Variants in AMMECR1 observed in about 807,000 individuals in gnomAD.
AMMECR1 encodes the protein nuclear protein AMMECR1.
A neutral mutation model predicts 22.5 loss-of-function variants in AMMECR1; 3 were observed. The observed-to-expected ratio is 0.13, with a 90% CI of 0.06 to 0.35. AMMECR1 has a LOEUF of 0.35. Among genes scored for constraint, AMMECR1 ranks in the 10% least tolerant of loss-of-function variants. The pLI is 1.00. For synonymous variants in AMMECR1, 130 were observed against 116.7 expected (o/e 1.11, Z -0.74); for missense variants, 235 against 278.7 (o/e 0.84, Z 1.12).
intron 2 of AMMECR1, chrX:110,224,923 G>C: frequency 3.0e-6 from 1 of 333,172 alleles, no homozygotes; most frequent in Non-Finnish European, 5.7e-6. Flanking sequence ...TAAAATAGCA[G>C]TCTCCAAGCT....
At chrX:110,228,483 C>G (rs190768929) in intron 2 of AMMECR1, among the ~76,000 whole-genome samples, 26 of 111,373 alleles carry the variant, frequency 2.3e-4, no homozygotes, top group African/African-American at 8.5e-4. Context: ...TTCCCCAATT[C>G]ACTGATCTTT....
At chrX:110,347,688 A>G (rs2068196192) in intron 2 of AMMECR1, among the ~76,000 whole-genome samples, 1 of 112,821 alleles carries the variant, frequency 8.9e-6, no homozygotes, top group East Asian at 2.8e-4. Flanking sequence ...GCTTTCTCAC[A>G]AAGTATCTTA....
intron 1 of AMMECR1, among the ~76,000 whole-genome samples, chrX:110,311,334 G>A (rs2068022355): frequency 9.0e-6 from 1 of 111,661 alleles, no homozygotes; most frequent in Non-Finnish European, 1.9e-5. Context: ...TGCATTTTAT[G>A]TGTATTTTAT....
At chrX:110,289,501 A>G (rs773815914) in intron 1 of AMMECR1, among the ~76,000 whole-genome samples, 24 of 112,400 alleles carry the variant, frequency 2.1e-4, no homozygotes, top group African/African-American at 6.5e-4. Flanking sequence ...TTAGCTAGAA[A>G]AGATAGTTTA....
At chrX:110,406,215 G>A (rs1456172001) in intron 2 of AMMECR1, among the ~76,000 whole-genome samples, 1 of 109,056 alleles carries the variant, frequency 9.2e-6, no homozygotes, top group Admixed American at 9.8e-5. Flanking sequence ...CCATCTACCC[G>A]TCACCTACAT....
chrX:110,437,532 C>G (rs1041773200), intron 1 of AMMECR1, among the ~76,000 whole-genome samples: 2 of 111,956 alleles, frequency 1.8e-5, no homozygotes, highest in South Asian at 3.8e-4. Flanking sequence ...CAAACTGTGT[C>G]CACTAGGCCT....
At chrX:110,311,189 C>T (rs1013501770) in intron 1 of AMMECR1, among the ~76,000 whole-genome samples, 1 of 111,561 alleles carries the variant, frequency 9.0e-6, no homozygotes, top group Non-Finnish European at 1.9e-5. Context: ...CCAAGTAAGA[C>T]TTCAAGATCT....
chrX:110,209,237 A>G lies in AMMECR1; in HGVS notation c.700-6701T>C, dbSNP rs2067435840. Among the ~76,000 whole-genome samples, 3 of 112,342 alleles carry G rather than the reference A, an allele frequency of 2.7e-5. No individual in the cohort carries two copies. The South Asian group carries it at 1.1e-3, about 42-fold the overall frequency. On this transcript the variant is annotated intron_variant, in intron 3 of 5. Transcript: ENST00000262844. ...TTGAGTATCTGACTCAATACAGTTT[A>G]ACTTAGTCTACAAAAGAAATTTGTT...
intron 2 of AMMECR1, among the ~76,000 whole-genome samples, chrX:110,334,754 C>T (rs2068134600): frequency 8.9e-6 from 1 of 111,883 alleles, no homozygotes; most frequent in Non-Finnish European, 1.9e-5. Context: ...CAGTGTTATT[C>T]CTAGGGTGTA....
At chrX:110,436,121 C>T (rs1001179497) in intron 1 of AMMECR1, among the ~76,000 whole-genome samples, 3 of 112,459 alleles carry the variant, frequency 2.7e-5, no homozygotes, top group Non-Finnish European at 1.9e-5. Flanking sequence ...CTGCTAGCAT[C>T]GCTGATTTAG....
chrX:110,311,875 C>G (rs142021205), intron 1 of AMMECR1, among the ~76,000 whole-genome samples: 3,250 of 112,190 alleles, frequency 0.029, 113 homozygotes, highest in African/African-American at 0.099. Flanking sequence ...CTGTGAGCAA[C>G]TGCCCAATTA....
Position 110,387,431 on chromosome X carries a change from G to T in AMMECR1, c.-148+39227C>A, listed in dbSNP as rs758842831. ...TTCTCTAGAAAAATCAGAAGACCTG[G>T]CTACCCTGCATTGGAACATGCATTC... On this transcript the variant is annotated intron_variant, in intron 2 of 7. Coordinates refer to the AMMECR1 transcript ENST00000372057. Among the ~76,000 whole-genome samples, 15 of 112,191 alleles carry T rather than the reference G, an allele frequency of 1.3e-4. No homozygotes were observed. The South Asian group carries it at 5.6e-3, about 42-fold the overall frequency.
intron 1 of AMMECR1, among the ~76,000 whole-genome samples, chrX:110,430,932 T>C (rs187883848): frequency 8.9e-6 from 1 of 112,114 alleles, no homozygotes; most frequent in Admixed American, 9.4e-5. Flanking sequence ...CATGGCTGGT[T>C]ATAATGACAC....
At chrX:110,275,824 C>A (rs1169975055) in intron 1 of AMMECR1, among the ~76,000 whole-genome samples, 1 of 110,903 alleles carries the variant, frequency 9.0e-6, no homozygotes, top group Non-Finnish European at 1.9e-5. Flanking sequence ...GAGTGAAACT[C>A]CGTCTCAAAA....
At chrX:110,356,343 C>T (rs1031465186) in intron 2 of AMMECR1, among the ~76,000 whole-genome samples, 4 of 108,172 alleles carry the variant, frequency 3.7e-5, no homozygotes, top group Non-Finnish European at 7.6e-5. Context: ...TTAGTGGAGA[C>T]GGGGTTTCAC....
At chrX:110,357,367 A>G (rs1157721989) in intron 2 of AMMECR1, among the ~76,000 whole-genome samples, 2 of 111,908 alleles carry the variant, frequency 1.8e-5, no homozygotes, top group African/African-American at 6.5e-5. Context: ...TACTTTTTTA[A>G]AAGTATTTCA....
At position 110,258,722 on chromosome X, in the gene AMMECR1, T is replaced by C. The variant is rs751381456; in HGVS notation, c.584+5767A>G. On this transcript the variant is annotated intron_variant, in intron 2 of 5. Transcript: ENST00000262844. ...CCAAAAATTGTTTGGCCTTAACATC[T>C]CCAGAATGAGCTTCCATAACAATAA... 3.7e-3 allele frequency among the ~76,000 whole-genome samples: 418 copies of C among 111,894 alleles called. 2 individuals are homozygous for C. Among genetic ancestry groups the C allele is most frequent in the African/African-American group, 0.013 (402 of 30,747 alleles).
chrX:110,274,984 C>T (rs933883870), intron 1 of AMMECR1, among the ~76,000 whole-genome samples: 3 of 111,831 alleles, frequency 2.7e-5, no homozygotes, highest in Non-Finnish European at 5.6e-5. Flanking sequence ...TTAACGTATA[C>T]GTCCATTTAA....
chrX:110,207,731 G>A (rs768737555), intron 3 of AMMECR1, among the ~76,000 whole-genome samples: 1 of 111,843 alleles, frequency 8.9e-6, no homozygotes, highest in Non-Finnish European at 1.9e-5. Context: ...ATGTTGCTGC[G>A]ATTCAGCTTT....
Sources: gnomAD v4.1 joint callset for allele counts (sites outside exome capture counted in the v4.1 genomes callset) on GRCh38, gnomAD v4.1.1 for gene constraint, MANE v1.5 for transcripts, NCBI Gene and HGNC (gene_info 2026-07-23, HGNC 2026-07-21) for gene names.